DTNA: variants seen among roughly 807,000 people sequenced by gnomAD.
DTNA encodes the protein dystrobrevin alpha.
In DTNA, 43 loss-of-function variants were observed where a neutral mutation model predicts 100.7. The ratio of observed to expected loss-of-function variants is 0.43; its 90% CI spans 0.33 to 0.55. DTNA has a LOEUF of 0.55. Ranked by LOEUF, DTNA falls within the 20% of genes least tolerant of loss-of-function variation. The probability of loss-of-function intolerance (pLI) is 0.04; values close to 1 mark genes in which losing one functional copy is unlikely to be tolerated. For synonymous variants in DTNA, 349 were observed against 347.9 expected (o/e 1.00, Z -0.04); for missense variants, 798 against 953.9 (o/e 0.84, Z 2.15).
chr18:34,752,749 GAATT>G (rs2092426831), intron 1 of DTNA, among the ~76,000 whole-genome samples: 1 of 152,074 alleles, frequency 6.6e-6, no homozygotes, highest in South Asian at 2.1e-4. Context: ...CTGGAAGTGA[GAATT>G]AATACCTATT....
At chr18:34,731,137 G>C (rs962299570) in intron 1 of DTNA, among the ~76,000 whole-genome samples, 2 of 152,146 alleles carry the variant, frequency 1.3e-5, no homozygotes, top group Non-Finnish European at 2.9e-5. Context: ...AGAAAAAAAG[G>C]GTTATCTGTT....
chr18:34,554,147 A>G (rs2045763805), intron 1 of DTNA, among the ~76,000 whole-genome samples: 1 of 129,458 alleles, frequency 7.7e-6, no homozygotes, highest in Non-Finnish European at 1.6e-5. Flanking sequence ...GCAATTGTGA[A>G]TGGGAGTTCA....
chr18:34,874,140 G>A (rs2096792373), intron 17 of DTNA, among the ~76,000 whole-genome samples: 1 of 152,194 alleles, frequency 6.6e-6, no homozygotes, highest in African/African-American at 2.4e-5. Context: ...ACAAGCCACT[G>A]AGCCCAAAGC....
rs1212453384 is a variant in DTNA, at chr18:34,790,567, A to ATTT, written c.149-3450_149-3448dup. On this transcript the variant is annotated intron_variant, in intron 3 of 22. Transcript: ENST00000444659. ...CAGCATACTATATATATATATATATATTTTTTTTTTTTTTTTTTTTTTGAG... is the reference window on the plus strand; with the variant it reads ...CAGCATACTATATATATATATATATATTTTTTTTTTTTTTTTTTTTTTTTTGAG... 2.3e-4 allele frequency among the ~76,000 whole-genome samples: 9 copies of ATTT among 39,658 alleles called. 1 individual carries two copies. Among genetic ancestry groups the ATTT allele is most frequent in the East Asian group, 1.1e-3 (1 of 880 alleles). The allele number at this position is 39,658 out of a possible 152,430, so 26.0% of individuals were successfully genotyped here.
chr18:34,611,944 C>T (rs1319911927), intron 1 of DTNA, among the ~76,000 whole-genome samples: 2 of 152,232 alleles, frequency 1.3e-5, no homozygotes, highest in Non-Finnish European at 2.9e-5. Context: ...GGCACTGGGC[C>T]TGTGTTTCAC....
intron 1 of DTNA, among the ~76,000 whole-genome samples, chr18:34,679,749 C>T (rs775012922): frequency 3.3e-5 from 5 of 152,178 alleles, no homozygotes; most frequent in Non-Finnish European, 5.9e-5. Flanking sequence ...CTTTCAGTTT[C>T]GTACCTTTAG....
intron 1 of DTNA, among the ~76,000 whole-genome samples, chr18:34,752,239 C>A (rs1204535544): frequency 6.6e-6 from 1 of 152,204 alleles, no homozygotes; most frequent in Non-Finnish European, 1.5e-5. Flanking sequence ...TGACTTTGGG[C>A]AGCTGTTGTT....
intron 1 of DTNA, among the ~76,000 whole-genome samples, chr18:34,506,307 C>T (rs1190216325): frequency 6.6e-6 from 1 of 152,038 alleles, no homozygotes; most frequent in Non-Finnish European, 1.5e-5. Flanking sequence ...ACTCCAGGAT[C>T]CTCCCACCAT....
At chr18:34,703,411 T>C (rs1222019919) in intron 1 of DTNA, among the ~76,000 whole-genome samples, 1 of 152,228 alleles carries the variant, frequency 6.6e-6, no homozygotes, top group Non-Finnish European at 1.5e-5. Flanking sequence ...AGAACATCTA[T>C]TCACCATTAT....
At chr18:34,507,001 G>C (rs2040557950) in intron 1 of DTNA, among the ~76,000 whole-genome samples, 1 of 152,158 alleles carries the variant, frequency 6.6e-6, no homozygotes, top group Non-Finnish European at 1.5e-5. Flanking sequence ...CTGCTTATCT[G>C]TTTCTGAATA....
chr18:34,500,723 C>G (rs2039821392), intron 1 of DTNA, among the ~76,000 whole-genome samples: 1 of 151,902 alleles, frequency 6.6e-6, no homozygotes, highest in Admixed American at 6.6e-5. Flanking sequence ...ATCGGCCTCC[C>G]AAACTGCTGG....
chr18:34,726,065 A>G lies in DTNA; in HGVS notation c.-2+15620A>G, dbSNP rs190760199. On this transcript the variant is annotated intron_variant, in intron 1 of 22. Coordinates refer to ENST00000444659, the MANE Select transcript of DTNA (RefSeq NM_001386795.1). Reference sequence around the variant, plus strand: ...TTGAACAATGAGAACACATGGACACAGGGAGGGAACGTCACACACCAGAGC... The same window carrying G: ...TTGAACAATGAGAACACATGGACACGGGGAGGGAACGTCACACACCAGAGC... 5.7e-3 allele frequency among the ~76,000 whole-genome samples: 864 copies of G among 152,268 alleles called. 6 individuals are homozygous for G. The highest frequency in any genetic ancestry group is 0.016 in the Admixed American group (252 of 15,300).
intron 11 of DTNA, among the ~76,000 whole-genome samples, chr18:34,833,023 AT>A (rs1460656821): frequency 6.6e-6 from 1 of 152,174 alleles, no homozygotes; most frequent in Non-Finnish European, 1.5e-5. Flanking sequence ...TCTGTTCTTA[AT>A]TTGCTATATT....
intron 15 of DTNA, among the ~76,000 whole-genome samples, chr18:34,853,056 A>G (rs1053462082): frequency 6.6e-6 from 1 of 152,242 alleles, no homozygotes; most frequent in Non-Finnish European, 1.5e-5. Flanking sequence ...GTAGAAGCTC[A>G]GTAGATATAC....
At position 34,888,317 on chromosome 18, in the gene DTNA, C is replaced by T; in HGVS notation, c.*583C>T. On this transcript the variant is annotated 3_prime_UTR_variant, in exon 23 of 23. Transcript: ENST00000444659. ...ACAACCACTTGCAATCATTCAATAA[C>T]CCTGAAGAATTTGGTTCCTGAGTGT... 3.0e-6 allele frequency: 3 copies of T among 985,788 alleles called. No homozygotes were observed. In the South Asian group the frequency reaches 1.4e-4, roughly 46 times the overall value. 61.1% of individuals were successfully genotyped at this position (985,788 alleles called of 1,614,324 possible).
chr18:34,848,931 A>C (rs146739850), intron 14 of DTNA, among the ~76,000 whole-genome samples: 2,005 of 152,346 alleles, frequency 0.013, 15 homozygotes, highest in Middle Eastern at 0.024. Context: ...GGAGCAAGTG[A>C]GGAAGCTGTT....
At chr18:34,694,459 C>A (rs1469145441) in intron 1 of DTNA, among the ~76,000 whole-genome samples, 1 of 152,156 alleles carries the variant, frequency 6.6e-6, no homozygotes, top group Non-Finnish European at 1.5e-5. Flanking sequence ...TAAGTCTGTA[C>A]AGAGTTTATT....
chr18:34,776,869 T>A (rs1004456397), intron 3 of DTNA, among the ~76,000 whole-genome samples: 2 of 152,206 alleles, frequency 1.3e-5, no homozygotes, highest in African/African-American at 4.8e-5. Flanking sequence ...CCATCCACCA[T>A]TGGCCTCCTT....
Position 34,829,467 on chromosome 18 carries a change from A to T in DTNA, c.1153A>T (p.Asn385Tyr), listed in dbSNP as rs1010945137. 2 of 1,526,318 alleles carry T rather than the reference A, an allele frequency of 1.3e-6. No homozygotes were observed. The highest frequency in any genetic ancestry group is 1.8e-6 in the Non-Finnish European group (2 of 1,139,564). The allele number at this position is 1,526,318 out of a possible 1,614,324, so 94.5% of individuals were successfully genotyped here. A position where few individuals can be genotyped will look rare whatever the true frequency, so the allele number is the denominator to read the frequency against. The change falls in exon 11 of 23, where the codon AAT (asparagine) becomes TAT (tyrosine). Residue 385 changes from asparagine to tyrosine, a missense_variant. Asn to Tyr is a moderately radical substitution (Grantham distance 143). Transcript: ENST00000444659. ...EEHSLIKLYV[N>Y]QLDHGARSPP... ...GCATTCCCTCATAAAGCTGTACGTA[A>T]ATCAGCTTGATCACGGTGCACGGTC... is the stretch of plus-strand genomic sequence containing the variant.
Sources: gnomAD v4.1 joint callset for allele counts (sites outside exome capture counted in the v4.1 genomes callset) on GRCh38, gnomAD v4.1.1 for gene constraint, MANE v1.5 for transcripts, NCBI Gene and HGNC (gene_info 2026-07-23, HGNC 2026-07-21) for gene names.